The following RCAN1 variants were observed in gnomAD, a reference collection of about 807,000 sequenced individuals.
RCAN1 encodes regulator of calcineurin 1.
In RCAN1, 11 loss-of-function variants were observed where a neutral mutation model predicts 22.9. The ratio of observed to expected loss-of-function variants is 0.48; its 90% confidence interval spans 0.30 to 0.79. RCAN1 has a LOEUF of 0.79. RCAN1 is among the 30% of genes least tolerant of loss of function. RCAN1 has a pLI of 0.06. For synonymous variants in RCAN1, 136 were observed against 142.3 expected (o/e 0.96, Z 0.32); for missense variants, 291 against 337.8 (o/e 0.86, Z 1.09).
chr21:34,605,505 G>A (rs188883301), intron 1 of RCAN1, among the ~76,000 whole-genome samples: 36 of 152,258 alleles, frequency 2.4e-4, no homozygotes, highest in Middle Eastern at 6.8e-3. Flanking sequence ...ATGAAGAGTC[G>A]TAACTCATGT....
chr21:34,563,346 C>T (rs1025840411), intron 1 of RCAN1, among the ~76,000 whole-genome samples: 12 of 152,048 alleles, frequency 7.9e-5, no homozygotes, highest in African/African-American at 2.7e-4. Context: ...ATAAAGGGTC[C>T]GTAGTCTTGA....
chr21:34,613,986 C>A, intron 1 of RCAN1: 1 of 730,846 alleles, frequency 1.4e-6, no homozygotes, highest in Non-Finnish European at 2.0e-6. Context: ...ACAATAACTG[C>A]AGATTTGAAA....
At chr21:34,605,920 AG>A (rs144758120) in intron 1 of RCAN1, among the ~76,000 whole-genome samples, 3,089 of 18,356 alleles carry the variant, frequency 0.17, 151 homozygotes, top group African/African-American at 0.31. Flanking sequence ...ACTCGGTCTC[AG>A]AAAAAAAAAA....
chr21:34,543,050 G>A (rs1985986424), intron 1 of RCAN1, among the ~76,000 whole-genome samples: 1 of 152,188 alleles, frequency 6.6e-6, no homozygotes, highest in African/African-American at 2.4e-5. Context: ...CTCATGTGGT[G>A]GTGGTGGCAC....
intron 1 of RCAN1, among the ~76,000 whole-genome samples, chr21:34,568,316 C>G (rs77034962): frequency 0.039 from 5,918 of 152,306 alleles, 165 homozygotes; most frequent in Non-Finnish European, 0.056. Context: ...AAATCTCCCC[C>G]CTGCCTCCCA....
chr21:34,545,377 G>A (rs950411216), intron 1 of RCAN1, among the ~76,000 whole-genome samples: 1 of 152,170 alleles, frequency 6.6e-6, no homozygotes, highest in African/African-American at 2.4e-5. Context: ...CTGAGTGTGG[G>A]TGTCCACTGA....
intron 1 of RCAN1, among the ~76,000 whole-genome samples, chr21:34,567,479 C>T (rs1216016582): frequency 6.6e-6 from 1 of 150,836 alleles, no homozygotes; most frequent in African/African-American, 2.4e-5. Flanking sequence ...TGCTTGAACC[C>T]AGGAGGCGGA....
intron 1 of RCAN1, among the ~76,000 whole-genome samples, chr21:34,556,002 G>A (rs7282196): frequency 0.24 from 36,151 of 150,358 alleles, 5,075 homozygotes; most frequent in African/African-American, 0.39. Flanking sequence ...GGCAGAGCTT[G>A]CAGTGAGCTG....
chr21:34,530,401 C>A (rs1057494504), intron 1 of RCAN1, among the ~76,000 whole-genome samples: 1 of 152,092 alleles, frequency 6.6e-6, no homozygotes, highest in African/African-American at 2.4e-5. Context: ...AGGATGACTT[C>A]AGCACATCCA....
chr21:34,551,615 T>G (rs1986369364), intron 1 of RCAN1, among the ~76,000 whole-genome samples: 1 of 143,430 alleles, frequency 7.0e-6, no homozygotes, highest in Non-Finnish European at 1.5e-5. Context: ...CTTCCCCTAG[T>G]GAACATTCTT....
At chr21:34,572,132 G>A (rs747505894) in intron 1 of RCAN1, among the ~76,000 whole-genome samples, 23 of 152,166 alleles carry the variant, frequency 1.5e-4, no homozygotes, top group Admixed American at 2.6e-4. Context: ...AGTGGGACCA[G>A]AATACAAACA....
chr21:34,577,033 CT>C (rs1401784872), intron 1 of RCAN1, among the ~76,000 whole-genome samples: 1 of 152,180 alleles, frequency 6.6e-6, no homozygotes. Flanking sequence ...CAGGGGTCAG[CT>C]CCATGGAGAA....
At chr21:34,589,402 G>T (rs1277867798) in intron 1 of RCAN1, among the ~76,000 whole-genome samples, 1 of 152,162 alleles carries the variant, frequency 6.6e-6, no homozygotes, top group African/African-American at 2.4e-5. Flanking sequence ...TTACAGGATT[G>T]GTAATTAAAG....
intron 1 of RCAN1, among the ~76,000 whole-genome samples, chr21:34,538,381 C>G (rs778812586): frequency 6.6e-6 from 1 of 152,144 alleles, no homozygotes; most frequent in Non-Finnish European, 1.5e-5. Flanking sequence ...TCCAAGCCAC[C>G]GTGGGCTCCT....
intron 1 of RCAN1, among the ~76,000 whole-genome samples, chr21:34,533,025 A>AGCGC (rs1985487540): frequency 6.7e-6 from 1 of 149,866 alleles, no homozygotes; most frequent in Non-Finnish European, 1.5e-5. Context: ...CAGTGGCACT[A>AGCGC]TCTCGGCTCA....
chr21:34,525,622 C>T lies in RCAN1; in HGVS notation c.253-1912G>A, dbSNP rs1341185160. 3.0e-5 allele frequency: 11 copies of T among 367,372 alleles called. No homozygotes were observed. In the Admixed American group the frequency reaches 4.1e-4, roughly 14 times the overall value. The allele number at this position is 367,372 out of a possible 1,614,324, so 22.8% of individuals were successfully genotyped here. On this transcript the variant is annotated intron_variant, in intron 1 of 3. Coordinates refer to ENST00000313806, the MANE Select transcript of RCAN1 (RefSeq NM_004414.7). ...ACAGGTTCAGGGCTTAGGACCAGAA[C>T]AAAAGAGAATTCACATTATCTTTAA...
chr21:34,605,653 G>T (rs2123731713), intron 1 of RCAN1, among the ~76,000 whole-genome samples: 1 of 152,204 alleles, frequency 6.6e-6, no homozygotes, highest in Non-Finnish European at 1.5e-5. Flanking sequence ...CAGGTGGAGT[G>T]GCTCACACCT....
intron 1 of RCAN1, among the ~76,000 whole-genome samples, chr21:34,557,446 G>A (rs1380229566): frequency 6.6e-6 from 1 of 152,128 alleles, no homozygotes; most frequent in Non-Finnish European, 1.5e-5. Flanking sequence ...GCTGGTGCAG[G>A]TCACGTGATT....
intron 1 of RCAN1, among the ~76,000 whole-genome samples, chr21:34,593,676 G>C (rs1485109077): frequency 6.6e-6 from 1 of 152,228 alleles, no homozygotes; most frequent in Non-Finnish European, 1.5e-5. Context: ...GGACCTCAAG[G>C]TGTTGGGAGG....
Sources: gnomAD v4.1 joint callset for allele counts (sites outside exome capture counted in the v4.1 genomes callset) on GRCh38, gnomAD v4.1.1 for gene constraint, MANE v1.5 for transcripts, NCBI Gene and HGNC (gene_info 2026-07-23, HGNC 2026-07-21) for gene names.